The following CBX2 variants were observed in gnomAD, a reference collection of about 807,000 sequenced individuals.
CBX2 encodes the protein chromobox protein homolog 2.
CBX2 carries 11 observed loss-of-function variants against 21.0 expected under a neutral mutation model. The observed-to-expected ratio is 0.52, with a 90% CI of 0.33 to 0.87. CBX2 has a LOEUF of 0.87. Among genes scored for constraint, CBX2 ranks in the 40% least tolerant of loss-of-function variants. The probability of loss-of-function intolerance (pLI) is 0.02; values close to 1 mark genes in which losing one functional copy is unlikely to be tolerated. For synonymous variants in CBX2, 364 were observed against 304.6 expected (o/e 1.19, Z -2.03); for missense variants, 746 against 724.3 (o/e 1.03, Z -0.34).
In CBX2 at chr17:79,787,968, T is replaced by C. The variant is rs1041907528; in HGVS notation, c.*2926T>C. 15 of 152,156 alleles carry C rather than the reference T, an allele frequency of 9.9e-5. No homozygotes were observed. The highest frequency in any genetic ancestry group is 3.3e-4 in the Admixed American group (5 of 15,278). 9.4% of individuals were successfully genotyped at this position (152,156 alleles called of 1,614,324 possible). A position where few individuals can be genotyped will look rare whatever the true frequency, so the allele number is the denominator to read the frequency against. ...TTTTAATTAAAAAAAAAATCATTCATGTATGCCACTTCTAATTGCTTTCAA... is the reference window on the plus strand; with the variant it reads ...TTTTAATTAAAAAAAAAATCATTCACGTATGCCACTTCTAATTGCTTTCAA... On this transcript the variant is annotated 3_prime_UTR_variant, in exon 5 of 5. Coordinates refer to ENST00000310942, the MANE Select transcript of CBX2 (RefSeq NM_005189.3).
At position 79,778,154 on chromosome 17, in the gene CBX2, TTGTG is replaced by T; in HGVS notation, c.-79_-76del. 1.4e-6 allele frequency: 1 copy of T among 721,846 alleles called. No homozygotes were observed. The allele number at this position is 721,846 out of a possible 1,614,324, so 44.7% of individuals were successfully genotyped here. On this transcript the variant is annotated 5_prime_UTR_variant, in exon 1 of 5. Coordinates refer to ENST00000310942, the MANE Select transcript of CBX2 (RefSeq NM_005189.3). This position sits in a 1 kb window ranked among gnomAD's most constrained non-coding sequence, Gnocchi z 4.8. Reference sequence around the variant, plus strand: ...GCCGGCGCCGGGCGGGGGCGGTGCTTTGTGTGCTGCCGGCGGGGCGCGCGGCGGT... The same window carrying T: ...GCCGGCGCCGGGCGGGGGCGGTGCTTTGCTGCCGGCGGGGCGCGCGGCGGT...
At position 79,778,372 on chromosome 17, in the gene CBX2, C is replaced by A; in HGVS notation, c.73-12C>A. ...GTCCGTCTGGCTCACGGCCCCTCTT[C>A]TCTCCCCGCAGGGCAAGCTGGAGTA... is the stretch of plus-strand genomic sequence containing the variant. On this transcript the variant is annotated splice_polypyrimidine_tract_variant and intron_variant, in intron 1 of 4. Coordinates refer to ENST00000310942, the MANE Select transcript of CBX2 (RefSeq NM_005189.3). The surrounding 1 kb of genome is among the most constrained non-coding windows in gnomAD (Gnocchi z 4.8). The A allele has an allele frequency of 6.3e-7, 1 of 1,585,274 alleles. No homozygotes were observed. The highest frequency in any genetic ancestry group is 8.5e-7 in the Non-Finnish European group (1 of 1,170,646).
chr17:79,784,397 G>A lies in CBX2; in HGVS notation c.954G>A (p.Glu318=), dbSNP rs1555831197. The change falls in exon 5 of 5, where the codon GAG becomes GAA. Residue 318 remains glutamate (E), a synonymous_variant. Transcript: ENST00000310942. This position sits in a 1 kb window ranked among gnomAD's most constrained non-coding sequence, Gnocchi z 5.9. ...AGGCCCCCAGCGGTGGGGCTGTGGA[G>A]CAGAAAGTGGGGAACACAGGGGGCC... ...IPKAPSGGAV[E]QKVGNTGGPP... 1.9e-6 allele frequency: 3 copies of A among 1,612,506 alleles called. No homozygotes were observed. The highest frequency in any genetic ancestry group is 8.5e-7 in the Non-Finnish European group (1 of 1,179,696).
Position 79,781,688 on chromosome 17 carries a change from G to A in CBX2, c.183-8G>A, listed in dbSNP as rs373920215. The stretch of plus-strand genomic sequence containing the variant: ...CTTCTCCCCCATTAACTAGTGGTGT[G>A]CCTTCAGGGAACATGAGAAGGAGGT... On this transcript the variant is annotated splice_polypyrimidine_tract_variant and splice_region_variant and intron_variant, in intron 3 of 4. Coordinates refer to ENST00000310942, the MANE Select transcript of CBX2 (RefSeq NM_005189.3). The A allele has an allele frequency of 1.4e-5, 23 of 1,610,290 alleles. No homozygotes were observed. The highest frequency in any genetic ancestry group is 1.8e-5 in the Non-Finnish European group (21 of 1,176,586).
rs1690834977 is a variant in CBX2, at chr17:79,786,459, G to C, written c.*1417G>C. On this transcript the variant is annotated 3_prime_UTR_variant, in exon 5 of 5. Transcript: ENST00000310942. ...TGGATCTGTCAGCCTCGGCCCTGAG[G>C]CCCCTGTTAACTCAAGACTGTGAGC... 6.6e-6 allele frequency: 1 copy of C among 152,558 alleles called. No homozygotes were observed. The highest frequency in any genetic ancestry group is 2.1e-4 in the South Asian group (1 of 4,822). The allele number at this position is 152,558 out of a possible 1,614,324, so 9.5% of individuals were successfully genotyped here.
chr17:79,787,321 C>T lies in CBX2; in HGVS notation c.*2279C>T, dbSNP rs988851220. 9 of 152,662 alleles carry T rather than the reference C, an allele frequency of 5.9e-5. No homozygotes were observed. The highest frequency in any genetic ancestry group is 1.7e-4 in the African/African-American group (7 of 41,466). 9.5% of individuals were successfully genotyped at this position (152,662 alleles called of 1,614,324 possible). A position where few individuals can be genotyped will look rare whatever the true frequency, so the allele number is the denominator to read the frequency against. On this transcript the variant is annotated 3_prime_UTR_variant, in exon 5 of 5. Transcript: ENST00000310942. ...CCTGTCTGCCTGGGCAGGCCAGATT[C>T]CTCCCCAGCAGCCGGGTCTCTCCAG...
intron 2 of CBX2, among the ~76,000 whole-genome samples, 192 bp from the exon 3 acceptor site, chr17:79,779,170 T>TA (rs1555829701): frequency 6.6e-6 from 1 of 152,202 alleles, no homozygotes; most frequent in Non-Finnish European, 1.5e-5. Context: ...GGTCTGAGGT[T>TA]AGAGTGCTGG....
rs782538692 is a variant in CBX2 at position 79,785,051 on chromosome 17, C to T, written c.*9C>T. Reference sequence around the variant, plus strand: ...ACCTGAGGCATTACTGAAGCCCCGGCGCCACCAGCTGCGCGGTCTTACTCC... The same window carrying T: ...ACCTGAGGCATTACTGAAGCCCCGGTGCCACCAGCTGCGCGGTCTTACTCC... On this transcript the variant is annotated 3_prime_UTR_variant, in exon 5 of 5. Transcript: ENST00000310942. 69 of 1,595,430 alleles carry T rather than the reference C, an allele frequency of 4.3e-5. No individual in the cohort carries two copies. Among genetic ancestry groups the T allele is most frequent in the Admixed American group, 4.0e-4 (24 of 60,006 alleles).
chr17:79,779,787 C>T (rs782785893), intron 3 of CBX2: 8 of 322,402 alleles, frequency 2.5e-5, no homozygotes, highest in East Asian at 6.9e-5. Context: ...TAACAGAAAA[C>T]CAGGAGAGCA....
chr17:79,779,516 C>A, intron 3 of CBX2, 89 bp downstream of exon 3: 2 of 1,223,200 alleles, frequency 1.6e-6, no homozygotes, highest in Non-Finnish European at 1.2e-6. Context: ...TGCCGGGAGG[C>A]TGGAGCTGGG....
chr17:79,783,850 G>T lies in CBX2; in HGVS notation c.407G>T (p.Gly136Val), dbSNP rs1427801137. ...SDLDAKRGPR[G>V]RETHPVPQKK... ...TTAGATGCTAAGAGGGGTCCCCGGG[G>T]CCGCGAGACCCACCCAGTGCCGCAG... The change falls in exon 5 of 5, where the codon GGC becomes GTC. Residue 136 changes from glycine to valine, a missense_variant. Around this residue, in one of 2 missense-constraint regions of CBX2, gnomAD observed 701 missense variants for 650.7 expected, o/e 1.08. Transcript: ENST00000310942. 1 of 1,613,422 alleles carries T rather than the reference G, an allele frequency of 6.2e-7. No individual in the cohort carries two copies. Among genetic ancestry groups the T allele is most frequent in the South Asian group, 1.1e-5 (1 of 91,048 alleles).
rs1357852757 is a variant in CBX2, at chr17:79,778,507, C to T, written c.116+80C>T. On this transcript the variant is annotated intron_variant, in intron 2 of 4. Transcript: ENST00000310942. The surrounding 1 kb of genome is among the most constrained non-coding windows in gnomAD (Gnocchi z 4.8). ...ACGTGGAGCCCCTCGGCCGCGCCGT[C>T]CGGTGGCCTGGGGGCGCCCGCGGGC... The T allele has an allele frequency of 4.2e-6, 4 of 957,024 alleles. No individual in the cohort carries two copies. Among genetic ancestry groups the T allele is most frequent in the African/African-American group, 1.7e-5 (1 of 57,278 alleles). The allele number at this position is 957,024 out of a possible 1,614,324, so 59.3% of individuals were successfully genotyped here.
Position 79,781,683 on chromosome 17 carries a change from G to T in CBX2, c.183-13G>T. 1.2e-6 allele frequency: 2 copies of T among 1,608,990 alleles called. No homozygotes were observed. Among genetic ancestry groups the T allele is most frequent in the South Asian group, 1.1e-5 (1 of 90,998 alleles). Reference sequence around the variant, plus strand: ...CAGGGCTTCTCCCCCATTAACTAGTGGTGTGCCTTCAGGGAACATGAGAAG... The same window carrying T: ...CAGGGCTTCTCCCCCATTAACTAGTTGTGTGCCTTCAGGGAACATGAGAAG... On this transcript the variant is annotated splice_polypyrimidine_tract_variant and intron_variant, in intron 3 of 4. Coordinates refer to ENST00000310942, the MANE Select transcript of CBX2 (RefSeq NM_005189.3).
At position 79,787,497 on chromosome 17, in the gene CBX2, G is replaced by C. The variant is rs782526105; in HGVS notation, c.*2455G>C. On this transcript the variant is annotated 3_prime_UTR_variant, in exon 5 of 5. Coordinates refer to ENST00000310942, the MANE Select transcript of CBX2 (RefSeq NM_005189.3). ...GTGTGCAGGGCAAGTGCCGTCACTG[G>C]GAACTGCACCAGATGCTCAGACTTG... The C allele has an allele frequency of 1.3e-5, 2 of 152,662 alleles. No individual in the cohort carries two copies. Among genetic ancestry groups the C allele is most frequent in the Non-Finnish European group, 1.5e-5 (1 of 68,052 alleles). 9.5% of individuals were successfully genotyped at this position (152,662 alleles called of 1,614,324 possible).
chr17:79,780,214 C>G (rs1448745029), intron 3 of CBX2, among the ~76,000 whole-genome samples: 1 of 152,210 alleles, frequency 6.6e-6, no homozygotes, highest in African/African-American at 2.4e-5. Context: ...TGGACTTGCC[C>G]TGTGGATAGA....
At chr17:79,781,401 T>C (rs564572314) in intron 3 of CBX2, among the ~76,000 whole-genome samples, 1 of 152,280 alleles carries the variant, frequency 6.6e-6, no homozygotes, top group East Asian at 1.9e-4. Flanking sequence ...CATGCAGCAG[T>C]GCACCTGCAG....
At chr17:79,782,272 CA>C (rs1273393219) in intron 4 of CBX2, 5 of 1,546,648 alleles carry the variant, frequency 3.2e-6, no homozygotes, top group Non-Finnish European at 4.4e-6. Flanking sequence ...ACTGAATAGC[CA>C]GGGGGTGCCA....
chr17:79,781,654 C>G, intron 3 of CBX2, 42 bp from the exon 4 acceptor site: 1 of 1,527,612 alleles, frequency 6.5e-7, no homozygotes, highest in Non-Finnish European at 9.1e-7. Context: ...AGAAGGGGTA[C>G]GCACAGGGCT....
At chr17:79,782,020 G>A (rs1907255608) in intron 4 of CBX2, 16 of 1,613,932 alleles carry the variant, frequency 9.9e-6, no homozygotes, top group Non-Finnish European at 1.4e-5. Flanking sequence ...CCCTCCCAGG[G>A]GCTTCCTGCT....
Sources: allele counts gnomAD v4.1 joint callset (sites outside exome capture counted in the v4.1 genomes callset), GRCh38; gene constraint gnomAD v4.1.1; regional missense constraint gnomAD v4.1.1; non-coding constraint Gnocchi (gnomAD v3.1); transcripts MANE v1.5; gene names NCBI Gene and HGNC (gene_info 2026-07-23, HGNC 2026-07-21).